Variants in GSDME observed in about 807,000 individuals in gnomAD.
The protein encoded by GSDME is gasdermin E, also known as gasdermin-E.
Under a neutral mutation model 47.5 loss-of-function variants are expected in GSDME, and 44 were observed. The ratio of observed to expected loss-of-function variants is 0.93; its 90% CI spans 0.73 to 1.19. The LOEUF is 1.19. GSDME is among the 50% of genes most tolerant of loss of function. The pLI is 0.00. For missense variants in GSDME, 663 were observed against 604.2 expected, an observed-to-expected ratio of 1.10 and a Z score of -1.02; for synonymous variants, 258 against 252.8, an observed-to-expected ratio of 1.02 and a Z score of -0.20.
At chr7:24,731,730 C>G (rs1203003888) in intron 3 of GSDME, among the ~76,000 whole-genome samples, 1 of 152,254 alleles carries the variant, frequency 6.6e-6, no homozygotes, top group Admixed American at 6.5e-5. Context: ...TGAGTTCTCA[C>G]AGTAACACCG....
At chr7:24,746,019 C>T (rs935339211) in intron 2 of GSDME, among the ~76,000 whole-genome samples, 13 of 152,062 alleles carry the variant, frequency 8.5e-5, no homozygotes, top group African/African-American at 2.2e-4. Context: ...TCAAACCCAC[C>T]GGCAGTCTGA....
the GSDME span, among the ~76,000 whole-genome samples, chr7:24,766,831 G>C: frequency 6.6e-6 from 1 of 152,146 alleles, no homozygotes; most frequent in Non-Finnish European, 1.5e-5. This position sits in a 1 kb window ranked among gnomAD's most constrained non-coding sequence, Gnocchi z 4.2. Context: ...TAATGGGATT[G>C]CTGAATCAAA....
chr7:24,707,485 A>T (rs914754712), intron 7 of GSDME: 1 of 465,126 alleles, frequency 2.1e-6, no homozygotes, highest in African/African-American at 2.0e-5. Context: ...GAACAGGCTG[A>T]CTTTATAGAT....
chr7:24,717,192 G>T, intron 5 of GSDME, 62 bp downstream of exon 5: 2 of 1,572,728 alleles, frequency 1.3e-6, no homozygotes, highest in Admixed American at 1.8e-5. Context: ...AAGCAGTCAA[G>T]TCCCTCTGCT....
chr7:24,761,417 G>A (rs576031076), upstream of GSDME, among the ~76,000 whole-genome samples: 1 of 152,334 alleles, frequency 6.6e-6, no homozygotes, highest in South Asian at 2.1e-4. This position sits in a 1 kb window ranked among gnomAD's most constrained non-coding sequence, Gnocchi z 4.4. Flanking sequence ...TTCATAGATA[G>A]TGACTTCTCA....
chr7:24,780,868 C>A, the GSDME span, among the ~76,000 whole-genome samples: 1 of 152,054 alleles, frequency 6.6e-6, no homozygotes, highest in Non-Finnish European at 1.5e-5. The surrounding 1 kb of genome is among the most constrained non-coding windows in gnomAD (Gnocchi z 4.1). Flanking sequence ...CACCCAATTC[C>A]CTCAAAGAAT....
chr7:24,793,151 TTAA>T, the GSDME span, among the ~76,000 whole-genome samples: 2 of 152,222 alleles, frequency 1.3e-5, no homozygotes, highest in Admixed American at 1.3e-4. Flanking sequence ...TAGTGTGTTA[TTAA>T]TGTTACACTT....
rs1004905659 is a variant in GSDME at position 24,728,432 on chromosome 7, A to G, written c.405-9214T>C. Among the ~76,000 whole-genome samples the G allele has an allele frequency of 1.3e-5, 2 of 152,220 alleles. No individual in the cohort carries two copies. Among genetic ancestry groups the G allele is most frequent in the African/African-American group, 4.8e-5 (2 of 41,464 alleles). ...TTTGCAACCAGACACCCTAACTGGT[A>G]TATGAAGTGACCATCATCCTTATTT... On this transcript the variant is annotated intron_variant, in intron 3 of 9. Coordinates refer to ENST00000645220, the MANE Select transcript of GSDME (RefSeq NM_001127453.2). This position sits in a 1 kb window ranked among gnomAD's most constrained non-coding sequence, Gnocchi z 7.2.
the GSDME span, among the ~76,000 whole-genome samples, chr7:24,763,485 C>T: frequency 7.2e-5 from 11 of 151,932 alleles, no homozygotes; most frequent in Non-Finnish European, 1.0e-4. This position sits in a 1 kb window ranked among gnomAD's most constrained non-coding sequence, Gnocchi z 4.3. Flanking sequence ...AGCAGGCAGG[C>T]GTGTAGACAG....
At chr7:24,775,735 C>T in the GSDME span, among the ~76,000 whole-genome samples, 5 of 151,810 alleles carry the variant, frequency 3.3e-5, no homozygotes, top group African/African-American at 9.7e-5. Context: ...ATTAGCTGGG[C>T]GTGGTGGCGG....
chr7:24,715,585 A>C (rs772132649), intron 5 of GSDME: 1 of 451,010 alleles, frequency 2.2e-6, no homozygotes, highest in Admixed American at 2.5e-5. Context: ...TAGAAACCCA[A>C]AAGTGCAGAT....
chr7:24,722,051 T>C (rs1789809745), intron 3 of GSDME, among the ~76,000 whole-genome samples: 2 of 152,180 alleles, frequency 1.3e-5, no homozygotes, highest in South Asian at 4.1e-4. Context: ...AGCTCATTCA[T>C]TTATCTGCTC....
At chr7:24,702,643 G>T in intron 9 of GSDME, 117 bp downstream of exon 9, 1 of 816,576 alleles carries the variant, frequency 1.2e-6, no homozygotes, top group Non-Finnish European at 2.1e-6. Context: ...TACTTAATGT[G>T]TCTTGAAGAG....
rs750648073 is a variant in GSDME at position 24,749,728 on chromosome 7, T to A, written c.47A>T (p.Asp16Val). Reference protein sequence around the residue: ...TRNFLREVDADGDLIAVSNLN... With the variant: ...TRNFLREVDAVGDLIAVSNLN... Reference sequence around the variant, plus strand: ...ATTTGATACTGCAATCAGGTCACCATCAGCATCAACTTCTCTAAGAAAATT... The same window carrying A: ...ATTTGATACTGCAATCAGGTCACCAACAGCATCAACTTCTCTAAGAAAATT... Residue 16 changes from aspartate (D) to valine (V), a missense_variant, in exon 2 of 10, where the codon GAT (aspartate) becomes GTT (valine). Coordinates refer to ENST00000645220, the MANE Select transcript of GSDME (RefSeq NM_001127453.2). 179 of 1,614,092 alleles carry A rather than the reference T, an allele frequency of 1.1e-4. No homozygotes were observed. Among genetic ancestry groups the A allele is most frequent in the Non-Finnish European group, 1.4e-4 (167 of 1,180,038 alleles).
chr7:24,706,436 G>GACCAAGC, intron 7 of GSDME, 60 bp from the exon 8 acceptor site: 3 of 1,545,066 alleles, frequency 1.9e-6, no homozygotes, highest in Non-Finnish European at 2.6e-6. Context: ...CCACAGCTGG[G>GACCAAGC]GCCTCCGCTC....
At chr7:24,718,700 G>A (rs1178618872) in intron 4 of GSDME, among the ~76,000 whole-genome samples, 1 of 152,166 alleles carries the variant, frequency 6.6e-6, no homozygotes, top group Non-Finnish European at 1.5e-5. Flanking sequence ...GGTCTGGTGA[G>A]ACCCAGTCCT....
Position 24,714,208 on chromosome 7 carries a change from T to C in GSDME, c.697+3046A>G, listed in dbSNP as rs1268261114. ...CTGTGGGTGAAGGAAAGGGTCTCATTGCAGCTGGCATGGCTGAAGCACCTG... is the reference window on the plus strand; with the variant it reads ...CTGTGGGTGAAGGAAAGGGTCTCATCGCAGCTGGCATGGCTGAAGCACCTG... On this transcript the variant is annotated intron_variant, in intron 5 of 9. Transcript: ENST00000645220. The surrounding 1 kb of genome is among the most constrained non-coding windows in gnomAD (Gnocchi z 5.0). Among the ~76,000 whole-genome samples the C allele has an allele frequency of 6.6e-6, 1 of 152,140 alleles. No individual in the cohort carries two copies. Among genetic ancestry groups the C allele is most frequent in the Non-Finnish European group, 1.5e-5 (1 of 68,006 alleles).
At chr7:24,711,798 G>A (rs1418197376) in intron 5 of GSDME, among the ~76,000 whole-genome samples, 1 of 135,394 alleles carries the variant, frequency 7.4e-6, no homozygotes, top group Non-Finnish European at 1.5e-5. Flanking sequence ...CTGGGCAATA[G>A]AGCAAGACCT....
At position 24,745,385 on chromosome 7, in the gene GSDME, T is replaced by C. The variant is rs1790637760; in HGVS notation, c.212-631A>G. Reference sequence around the variant, plus strand: ...TGGAAAACAATCCCCTGGCCCTTATTACCATCTCCAGTCAAATTATTCCCT... The same window carrying C: ...TGGAAAACAATCCCCTGGCCCTTATCACCATCTCCAGTCAAATTATTCCCT... On this transcript the variant is annotated intron_variant, in intron 2 of 9. Transcript: ENST00000645220. The surrounding 1 kb of genome is among the most constrained non-coding windows in gnomAD (Gnocchi z 4.4). Among the ~76,000 whole-genome samples, 1 of 152,144 alleles carries C rather than the reference T, an allele frequency of 6.6e-6. No homozygotes were observed. The highest frequency in any genetic ancestry group is 1.5e-5 in the Non-Finnish European group (1 of 68,010).
Sources: gnomAD v4.1 joint callset for allele counts (sites outside exome capture counted in the v4.1 genomes callset) on GRCh38, gnomAD v4.1.1 for gene constraint, Gnocchi (gnomAD v3.1) non-coding constraint, MANE v1.5 for transcripts, NCBI Gene and HGNC (gene_info 2026-07-23, HGNC 2026-07-21) for gene names.